Variants in TMEM132C observed in about 807,000 individuals in gnomAD.
TMEM132C encodes the protein transmembrane protein 132C, also known as protein phosphatase 1, regulatory subunit 152.
TMEM132C carries 29 observed loss-of-function variants against 61.4 expected under a neutral mutation model. The ratio of observed to expected loss-of-function variants is 0.47; its 90% CI spans 0.35 to 0.64. The LOEUF is 0.64. TMEM132C is among the 30% of genes least tolerant of loss of function. The pLI is 0.00. For synonymous variants in TMEM132C, 656 were observed against 633.1 expected (o/e 1.04, Z -0.54); for missense variants, 1,408 against 1,476.9 (o/e 0.95, Z 0.76).
chr12:128,580,569 G>A (rs1875296244), intron 3 of TMEM132C, among the ~76,000 whole-genome samples: 1 of 152,234 alleles, frequency 6.6e-6, no homozygotes, highest in South Asian at 2.1e-4. Flanking sequence ...GATGACCAAA[G>A]TAGATATATT....
At chr12:128,404,681 A>G (rs929148483) in intron 1 of TMEM132C, 1 of 152,022 alleles carries the variant, frequency 6.6e-6, no homozygotes, top group Admixed American at 6.6e-5. Flanking sequence ...CCCAGAGAAC[A>G]TCAGCTCTAA....
intron 3 of TMEM132C, among the ~76,000 whole-genome samples, chr12:128,585,854 C>T (rs182883458): frequency 5.3e-5 from 8 of 152,118 alleles, no homozygotes; most frequent in Admixed American, 2.0e-4. Flanking sequence ...TTCATAGAGA[C>T]GGAAAATACA....
chr12:128,556,185 C>T (rs1195390917), intron 3 of TMEM132C, among the ~76,000 whole-genome samples: 2 of 152,148 alleles, frequency 1.3e-5, no homozygotes, highest in East Asian at 3.9e-4. Flanking sequence ...TCCCAAGCCT[C>T]GATTTGATGT....
At chr12:128,639,507 G>T (rs1014579037) in intron 4 of TMEM132C, among the ~76,000 whole-genome samples, 2 of 152,170 alleles carry the variant, frequency 1.3e-5, no homozygotes, top group African/African-American at 4.8e-5. Flanking sequence ...CCAAAAATCA[G>T]ATCTGATAAA....
intron 2 of TMEM132C, among the ~76,000 whole-genome samples, chr12:128,478,910 T>C (rs1379785478): frequency 6.6e-6 from 1 of 152,232 alleles, no homozygotes; most frequent in East Asian, 1.9e-4. Flanking sequence ...TCTGTGCATT[T>C]GCGACTTTTC....
chr12:128,388,581 G>A (rs976647751), intron 1 of TMEM132C, among the ~76,000 whole-genome samples: 2 of 152,232 alleles, frequency 1.3e-5, no homozygotes, highest in East Asian at 3.9e-4. Flanking sequence ...CGCTGAGTCT[G>A]AGCTCCGCAG....
At chr12:128,477,526 C>G (rs1409128136) in intron 2 of TMEM132C, among the ~76,000 whole-genome samples, 1 of 152,160 alleles carries the variant, frequency 6.6e-6, no homozygotes, top group Non-Finnish European at 1.5e-5. Context: ...ACTGAGACAA[C>G]TAATACAGTA....
rs1361743074 is a variant in TMEM132C at position 128,706,162 on chromosome 12, A to AT, written c.3194_3195insT (p.Asp1066ArgfsTer14). On this transcript the variant is annotated frameshift_variant, in exon 9 of 9. Transcript: ENST00000435159. LOFTEE classifies it low-confidence loss of function (END_TRUNC). ...ACCACCTTTACCACCATCCCCCCGG[A>AT]CGACAGCTGCCCCACGGTGAACTCC... The AT allele has an allele frequency of 2.6e-6, 4 of 1,551,346 alleles. No individual in the cohort carries two copies. The highest frequency in any genetic ancestry group is 2.4e-5 in the East Asian group (1 of 40,900).
At chr12:128,318,563 T>C (rs1872225264) in intron 1 of TMEM132C, among the ~76,000 whole-genome samples, 1 of 152,206 alleles carries the variant, frequency 6.6e-6, no homozygotes, top group African/African-American at 2.4e-5. Flanking sequence ...AATTACAGCT[T>C]TGTATTGAAT....
At chr12:128,628,109 C>G (rs1197480319) in intron 4 of TMEM132C, among the ~76,000 whole-genome samples, 1 of 152,174 alleles carries the variant, frequency 6.6e-6, no homozygotes, top group Admixed American at 6.5e-5. Context: ...CCCCACCTCA[C>G]CACTTCCAGT....
At chr12:128,533,073 C>T (rs954333502) in intron 2 of TMEM132C, among the ~76,000 whole-genome samples, 11 of 152,138 alleles carry the variant, frequency 7.2e-5, no homozygotes, top group Admixed American at 1.3e-4. Flanking sequence ...AGCAAGGATG[C>T]GTGTGTGCCA....
At chr12:128,385,059 A>G (rs1048604698) in intron 1 of TMEM132C, among the ~76,000 whole-genome samples, 1 of 152,144 alleles carries the variant, frequency 6.6e-6, no homozygotes, top group African/African-American at 2.4e-5. Context: ...CCCTTTGCAG[A>G]TTCGGATGGC....
At chr12:128,500,139 A>G (rs919152147) in intron 2 of TMEM132C, among the ~76,000 whole-genome samples, 1 of 152,194 alleles carries the variant, frequency 6.6e-6, no homozygotes, top group Non-Finnish European at 1.5e-5. Context: ...TGGTCCTGAG[A>G]CAACTGGTTA....
chr12:128,596,833 A>C (rs1875972837), intron 3 of TMEM132C, among the ~76,000 whole-genome samples: 1 of 152,208 alleles, frequency 6.6e-6, no homozygotes. Flanking sequence ...CCCACTGAAG[A>C]CTGTTTGTTA....
rs144261693 is a variant in TMEM132C, at chr12:128,361,505, A to G, written c.86-53227A>G. ...GACCTTTTGAAGTCAGGACTTCCCC[A>G]TATAACAAATGTCTCCATTGGTGGT... On this transcript the variant is annotated intron_variant, in intron 1 of 8. Coordinates refer to ENST00000435159, the MANE Select transcript of TMEM132C (RefSeq NM_001136103.3). Among the ~76,000 whole-genome samples, 3 of 152,286 alleles carry G rather than the reference A, an allele frequency of 2.0e-5. No homozygotes were observed. The East Asian group carries it at 5.8e-4, about 29-fold the overall frequency.
intron 4 of TMEM132C, among the ~76,000 whole-genome samples, chr12:128,627,382 A>G (rs1380873962): frequency 6.6e-6 from 1 of 151,896 alleles, no homozygotes; most frequent in Non-Finnish European, 1.5e-5. Flanking sequence ...CTGTCTGATC[A>G]TTATCTGACA....
chr12:128,641,321 T>C (rs897156498), intron 4 of TMEM132C, among the ~76,000 whole-genome samples: 3 of 151,980 alleles, frequency 2.0e-5, no homozygotes, highest in African/African-American at 7.3e-5. Context: ...CTGGAGTGGG[T>C]TGGGTTGTGT....
At chr12:128,600,354 G>A (rs1447555182) in intron 3 of TMEM132C, among the ~76,000 whole-genome samples, 1 of 152,166 alleles carries the variant, frequency 6.6e-6, no homozygotes, top group African/African-American at 2.4e-5. Flanking sequence ...GCCATGTGAA[G>A]GACATGTTTA....
At chr12:128,351,668 A>G (rs1873340833) in intron 1 of TMEM132C, among the ~76,000 whole-genome samples, 1 of 152,020 alleles carries the variant, frequency 6.6e-6, no homozygotes, top group African/African-American at 2.4e-5. Context: ...AGTGAGAGAG[A>G]GGAAGTGAGA....
Sources: allele counts gnomAD v4.1 joint callset (sites outside exome capture counted in the v4.1 genomes callset), GRCh38; gene constraint gnomAD v4.1.1; transcripts MANE v1.5; gene names NCBI Gene and HGNC (gene_info 2026-07-23, HGNC 2026-07-21).